The following LDLRAD4 variants were observed in gnomAD, a reference collection of about 807,000 sequenced individuals.
LDLRAD4 encodes low-density lipoprotein receptor class A domain-containing protein 4.
LDLRAD4 carries 5 observed loss-of-function variants against 17.0 expected under a neutral mutation model. That is an observed-to-expected ratio of 0.29 (90% CI 0.15 to 0.62). The LOEUF is 0.62. LDLRAD4 is among the 20% of genes least tolerant of loss of function. LDLRAD4 has a pLI of 0.84. For missense variants in LDLRAD4, 340 were observed against 424.7 expected, an observed-to-expected ratio of 0.80 and a Z score of 1.75; for synonymous variants, 168 against 171.8, an observed-to-expected ratio of 0.98 and a Z score of 0.17.
At chr18:13,289,706 C>T (rs893646287) in intron 1 of LDLRAD4, among the ~76,000 whole-genome samples, 4 of 152,198 alleles carry the variant, frequency 2.6e-5, no homozygotes, top group African/African-American at 9.6e-5. Flanking sequence ...TGTGTCCAGT[C>T]CTGAGCCATT....
intron 1 of LDLRAD4, among the ~76,000 whole-genome samples, chr18:13,343,829 G>A (rs572495260): frequency 7.9e-5 from 12 of 152,274 alleles, no homozygotes; most frequent in African/African-American, 2.4e-4. Flanking sequence ...TTCTCTGATG[G>A]CCAGTGATGA....
chr18:13,480,027 A>G (rs1275524688), intron 3 of LDLRAD4, among the ~76,000 whole-genome samples: 2 of 152,216 alleles, frequency 1.3e-5, no homozygotes, highest in African/African-American at 2.4e-5. Flanking sequence ...ACTCAGCATA[A>G]TCTTACCATA....
chr18:13,504,561 G>C (rs758438622), intron 3 of LDLRAD4, among the ~76,000 whole-genome samples: 1 of 152,202 alleles, frequency 6.6e-6, no homozygotes. Context: ...CCGAGTAGCT[G>C]GGATTACAGG....
intron 1 of LDLRAD4, among the ~76,000 whole-genome samples, chr18:13,373,583 C>A (rs1424695945): frequency 6.6e-6 from 1 of 152,134 alleles, no homozygotes; most frequent in East Asian, 1.9e-4. Context: ...GATCTTTGCT[C>A]ATATTTTCAT....
At chr18:13,271,446 G>C (rs570333513) in intron 1 of LDLRAD4, among the ~76,000 whole-genome samples, 1 of 152,268 alleles carries the variant, frequency 6.6e-6, no homozygotes, top group South Asian at 2.1e-4. Flanking sequence ...CGCACTTTCT[G>C]GGTACTTAGT....
intron 1 of LDLRAD4, among the ~76,000 whole-genome samples, chr18:13,373,210 G>A (rs1034360189): frequency 2.6e-5 from 4 of 151,654 alleles, no homozygotes; most frequent in Admixed American, 6.6e-5. Context: ...CCCTTGTTTT[G>A]ATTTCCTTTT....
chr18:13,422,212 T>A (rs139213572), intron 2 of LDLRAD4, among the ~76,000 whole-genome samples: 583 of 152,316 alleles, frequency 3.8e-3, no homozygotes, highest in Non-Finnish European at 6.7e-3. Flanking sequence ...ACATGTCACA[T>A]GGGCTTACAC....
At chr18:13,495,807 G>T (rs528886275) in intron 3 of LDLRAD4, among the ~76,000 whole-genome samples, 3 of 152,304 alleles carry the variant, frequency 2.0e-5, no homozygotes, top group Admixed American at 1.3e-4. Flanking sequence ...TTGTTTCTCT[G>T]CCTGGATCAT....
intron 1 of LDLRAD4, among the ~76,000 whole-genome samples, chr18:13,314,099 G>A (rs756845241): frequency 2.0e-5 from 3 of 152,136 alleles, no homozygotes; most frequent in Non-Finnish European, 2.9e-5. Context: ...TTGGTATCAG[G>A]TGAAGAAGCA....
chr18:13,613,233 C>CT (rs1235673880), intron 3 of LDLRAD4: 1 of 153,898 alleles, frequency 6.5e-6, no homozygotes, highest in Non-Finnish European at 1.4e-5. Flanking sequence ...GTGACAGGAG[C>CT]TATTAGGAAG....
chr18:13,544,117 C>G (rs75997353), intron 3 of LDLRAD4, among the ~76,000 whole-genome samples: 1 of 152,262 alleles, frequency 6.6e-6, no homozygotes, highest in Admixed American at 6.5e-5. Context: ...ATCGCTGGGC[C>G]TGCTATGAAG....
intron 1 of LDLRAD4, among the ~76,000 whole-genome samples, chr18:13,321,638 G>A (rs899745122): frequency 9.2e-5 from 14 of 152,122 alleles, no homozygotes; most frequent in African/African-American, 3.4e-4. Flanking sequence ...GGTCGAGGCG[G>A]GTGGATCACC....
chr18:13,518,740 A>G (rs985024621), intron 3 of LDLRAD4, among the ~76,000 whole-genome samples: 1 of 152,152 alleles, frequency 6.6e-6, no homozygotes, highest in East Asian at 1.9e-4. Context: ...AGCTTTGACT[A>G]TTTTCTATTA....
intron 3 of LDLRAD4, among the ~76,000 whole-genome samples, chr18:13,573,357 G>A (rs1288221256): frequency 2.0e-5 from 3 of 146,980 alleles, no homozygotes; most frequent in Admixed American, 6.7e-5. Context: ...TGCCCACCTC[G>A]GCCTCCCAAA....
chr18:13,441,155 G>A (rs144436152), intron 3 of LDLRAD4, among the ~76,000 whole-genome samples: 55 of 152,328 alleles, frequency 3.6e-4, no homozygotes, highest in African/African-American at 1.2e-3. Context: ...GGGTGGCCTC[G>A]TATTGAATGG....
rs772275373 is a variant in LDLRAD4 at position 13,413,596 on chromosome 18, C to T, written c.41-24648C>T. On this transcript the variant is annotated intron_variant, in intron 2 of 5. Transcript: ENST00000359446. ...TGTGATTTGGGAAAAGGGATAATGT[C>T]TTCAATTGAGTACGGAAATTATGTC... 9.1e-4 allele frequency among the ~76,000 whole-genome samples: 138 copies of T among 152,284 alleles called. 1 individual carries two copies. Among genetic ancestry groups the T allele is most frequent in the Admixed American group, 2.4e-3 (37 of 15,298 alleles).
At chr18:13,237,303 C>T (rs549115531) in intron 1 of LDLRAD4, among the ~76,000 whole-genome samples, 1 of 152,342 alleles carries the variant, frequency 6.6e-6, no homozygotes, top group South Asian at 2.1e-4. Flanking sequence ...GTCCTGGGCA[C>T]TGGCAGAGTC....
chr18:13,219,232 T>G (rs1002147700), intron 1 of LDLRAD4, among the ~76,000 whole-genome samples: 7 of 152,104 alleles, frequency 4.6e-5, no homozygotes, highest in Non-Finnish European at 1.0e-4. Context: ...TCGTCGCCAG[T>G]CAGGGCAGCT....
At chr18:13,499,267 TCG>T (rs2093563849) in intron 3 of LDLRAD4, among the ~76,000 whole-genome samples, 1 of 147,190 alleles carries the variant, frequency 6.8e-6, no homozygotes, top group Admixed American at 6.7e-5. Context: ...AGAATCCTTC[TCG>T]CCACACACGT....
Sources: allele counts gnomAD v4.1 joint callset (sites outside exome capture counted in the v4.1 genomes callset), GRCh38; gene constraint gnomAD v4.1.1; transcripts MANE v1.5; gene names NCBI Gene and HGNC (gene_info 2026-07-23, HGNC 2026-07-21).